RASAL2: variants seen among roughly 807,000 people sequenced by gnomAD.
The protein encoded by RASAL2 is RAS protein activator like 2.
RASAL2 carries 58 observed loss-of-function variants against 128.9 expected under a neutral mutation model. The ratio of observed to expected loss-of-function variants is 0.45; its 90% CI spans 0.36 to 0.56. RASAL2 has a LOEUF of 0.56. Among genes scored for constraint, RASAL2 ranks in the 20% least tolerant of loss-of-function variants. RASAL2 has a pLI of 0.00. For missense variants in RASAL2, 1,360 were observed against 1,601.6 expected (o/e 0.85, Z 2.57); for synonymous variants, 561 against 580.8 (o/e 0.97, Z 0.49).
chr1:178,102,653 A>G (rs936892277), intron 1 of RASAL2, among the ~76,000 whole-genome samples: 7 of 151,954 alleles, frequency 4.6e-5, no homozygotes, highest in Admixed American at 2.6e-4. Context: ...TCTTAAGTGT[A>G]TTTTCTCATG....
chr1:178,205,165 C>T (rs536576166), intron 1 of RASAL2, among the ~76,000 whole-genome samples: 2 of 152,184 alleles, frequency 1.3e-5, no homozygotes, highest in East Asian at 1.9e-4. Context: ...CTTCCATGCC[C>T]AGCTAATTTT....
At chr1:178,464,831 G>GTTTTTT (rs986789340) in intron 15 of RASAL2, among the ~76,000 whole-genome samples, 50 of 38,200 alleles carry the variant, frequency 1.3e-3, no homozygotes, top group East Asian at 5.0e-3. Context: ...GGTTTTAGTT[G>GTTTTTT]TTTTTTTTTT....
intron 3 of RASAL2, among the ~76,000 whole-genome samples, chr1:178,313,533 C>T (rs181151640): frequency 7.2e-5 from 11 of 151,864 alleles, no homozygotes; most frequent in East Asian, 1.9e-4. Flanking sequence ...CTCTGTCACC[C>T]GGGCTGGAGT....
intron 1 of RASAL2, among the ~76,000 whole-genome samples, chr1:178,215,718 TTTTG>T (rs1306431850): frequency 6.6e-6 from 1 of 152,330 alleles, no homozygotes; most frequent in East Asian, 1.9e-4. Context: ...TGAATGTTTA[TTTTG>T]TTTAAATATG....
At chr1:178,383,930 T>C (rs1002605688) in intron 3 of RASAL2, among the ~76,000 whole-genome samples, 45 of 152,264 alleles carry the variant, frequency 3.0e-4, no homozygotes, top group African/African-American at 8.7e-4. Flanking sequence ...TTCAGTGACT[T>C]GAATGGGTAC....
At chr1:178,121,985 C>T (rs1325937787) in intron 1 of RASAL2, among the ~76,000 whole-genome samples, 3 of 150,904 alleles carry the variant, frequency 2.0e-5, no homozygotes, top group African/African-American at 7.3e-5. Context: ...GGTTTTTTTT[C>T]TGGAGGCTTT....
At chr1:178,194,944 G>C (rs577401640) in intron 1 of RASAL2, among the ~76,000 whole-genome samples, 27 of 152,350 alleles carry the variant, frequency 1.8e-4, no homozygotes, top group African/African-American at 6.5e-4. Flanking sequence ...TAAGGATCCA[G>C]TAAGAGATGT....
chr1:178,114,769 GC>G (rs1659466511), intron 1 of RASAL2, among the ~76,000 whole-genome samples: 1 of 152,138 alleles, frequency 6.6e-6, no homozygotes, highest in Non-Finnish European at 1.5e-5. Flanking sequence ...TGATCCGCCC[GC>G]CTTGGCCTCC....
intron 15 of RASAL2, among the ~76,000 whole-genome samples, chr1:178,465,420 G>A (rs1320464153): frequency 6.6e-6 from 1 of 152,198 alleles, no homozygotes. Flanking sequence ...AGGAATGGCA[G>A]TCTGATGAGC....
chr1:178,394,554 G>A (rs1041030996), intron 4 of RASAL2, among the ~76,000 whole-genome samples: 4 of 152,018 alleles, frequency 2.6e-5, no homozygotes, highest in Non-Finnish European at 4.4e-5. Flanking sequence ...ATTTGGCTTC[G>A]GTCAAGAGGG....
chr1:178,125,930 T>TG (rs746961185), intron 1 of RASAL2, among the ~76,000 whole-genome samples: 4 of 152,342 alleles, frequency 2.6e-5, no homozygotes, highest in Middle Eastern at 3.4e-3. Flanking sequence ...GGCAGATACT[T>TG]GGACACCTAC....
intron 1 of RASAL2, among the ~76,000 whole-genome samples, chr1:178,142,199 G>A (rs1660558122): frequency 6.6e-6 from 1 of 152,106 alleles, no homozygotes. Context: ...CAGTATCCAG[G>A]GTTTGACTCG....
At chr1:178,377,913 A>C (rs981611153) in intron 3 of RASAL2, among the ~76,000 whole-genome samples, 2 of 152,184 alleles carry the variant, frequency 1.3e-5, no homozygotes, top group East Asian at 3.9e-4. Context: ...TAGAAGAGTA[A>C]AAATAGAGTA....
intron 1 of RASAL2, among the ~76,000 whole-genome samples, chr1:178,202,131 G>A (rs113120236): frequency 0.014 from 2,183 of 152,264 alleles, 56 homozygotes; most frequent in African/African-American, 0.049. Context: ...TCCAGTTAAA[G>A]TAGTGGCTTA....
chr1:178,165,111 A>G (rs1386079878), intron 1 of RASAL2, among the ~76,000 whole-genome samples: 3 of 151,982 alleles, frequency 2.0e-5, no homozygotes, highest in African/African-American at 7.2e-5. Context: ...TCTTGAGCGC[A>G]TGGATTTTAT....
intron 1 of RASAL2, among the ~76,000 whole-genome samples, chr1:178,101,616 A>T (rs1658903144): frequency 6.6e-6 from 1 of 152,214 alleles, no homozygotes; most frequent in Admixed American, 6.5e-5. Context: ...TAGTCTGAAA[A>T]GTTAAAATGA....
At chr1:178,357,785 T>C (rs1571919938) in intron 3 of RASAL2, among the ~76,000 whole-genome samples, 2 of 152,342 alleles carry the variant, frequency 1.3e-5, no homozygotes, top group Admixed American at 1.3e-4. Flanking sequence ...TTTTTCCATG[T>C]AAATATTATA....
chr1:178,321,020 G>A (rs114412834), intron 3 of RASAL2, among the ~76,000 whole-genome samples: 102 of 152,292 alleles, frequency 6.7e-4, no homozygotes, highest in African/African-American at 2.4e-3. Flanking sequence ...TGACACGTTA[G>A]TGGCTATCTC....
intron 3 of RASAL2, among the ~76,000 whole-genome samples, chr1:178,318,197 A>G (rs1283033977): frequency 6.6e-6 from 1 of 151,056 alleles, no homozygotes; most frequent in Non-Finnish European, 1.5e-5. Flanking sequence ...TTTGCTGAGG[A>G]GAGCTTTACT....
Sources: gnomAD v4.1 joint callset for allele counts (sites outside exome capture counted in the v4.1 genomes callset) on GRCh38, gnomAD v4.1.1 for gene constraint, MANE v1.5 for transcripts, NCBI Gene and HGNC (gene_info 2026-07-23, HGNC 2026-07-21) for gene names.